STPG2: variants seen among roughly 807,000 people sequenced by gnomAD.
STPG2 encodes the protein sperm tail PG-rich repeat containing 2, also known as sperm-tail PG-rich repeat-containing protein 2.
STPG2 carries 56 observed loss-of-function variants against 54.2 expected under a neutral mutation model. That is an observed-to-expected ratio of 1.03 (90% CI 0.83 to 1.29). STPG2 has a LOEUF of 1.29. Among genes scored for constraint, STPG2 ranks in the 50% most tolerant of loss-of-function variants. The pLI is 0.00. For synonymous variants in STPG2, 200 were observed against 181.8 expected, an observed-to-expected ratio of 1.10 and a Z score of -0.81; for missense variants, 596 against 544.9, an observed-to-expected ratio of 1.09 and a Z score of -0.93.
intron 8 of STPG2, among the ~76,000 whole-genome samples, chr4:97,923,903 C>T (rs1015584438): frequency 3.9e-5 from 6 of 152,154 alleles, no homozygotes; most frequent in Non-Finnish European, 8.8e-5. Flanking sequence ...ACAGACCAAT[C>T]GGCTCTCTGT....
chr4:97,878,659 C>A lies in STPG2; in HGVS notation c.1045-37727G>T, dbSNP rs376632306. On this transcript the variant is annotated intron_variant, in intron 8 of 10. Coordinates refer to ENST00000295268, the MANE Select transcript of STPG2 (RefSeq NM_174952.3). ...AGGTCCCTGGGTCAGGCCCATGAAA[C>A]CATTATTTCCTCCTGGCCTCTGGGT... is the stretch of plus-strand genomic sequence containing the variant. Among the ~76,000 whole-genome samples the A allele has an allele frequency of 3.6e-4, 55 of 152,238 alleles. 2 individuals are homozygous for A. The East Asian group carries it at 0.01, about 28-fold the overall frequency.
intron 5 of STPG2, chr4:98,026,065 C>T (rs990715071): frequency 8.0e-6 from 9 of 1,130,116 alleles, no homozygotes; most frequent in Non-Finnish European, 1.2e-5. Context: ...ACATAAAGAA[C>T]AGAGTAACTC....
At chr4:97,649,097 A>T (rs1721993732) in intron 10 of STPG2, among the ~76,000 whole-genome samples, 1 of 152,162 alleles carries the variant, frequency 6.6e-6, no homozygotes, top group Non-Finnish European at 1.5e-5. Flanking sequence ...TTGAGGAAAG[A>T]ATAGGAGCAG....
intron 7 of STPG2, among the ~76,000 whole-genome samples, chr4:97,946,608 T>G (rs746669645): frequency 1.3e-5 from 2 of 152,194 alleles, no homozygotes; most frequent in Admixed American, 6.5e-5. Context: ...TTCTTCTAAA[T>G]GTAGCTATTC....
rs1385209156 is a variant in STPG2, at chr4:97,441,514, GA to G, written c.463-253682del. 29 of 152,064 alleles carry G rather than the reference GA, an allele frequency of 1.9e-4. 1 individual carries two copies. Among genetic ancestry groups the G allele is most frequent in the Admixed American group, 1.9e-3 (29 of 15,284 alleles). The allele number at this position is 152,064 out of a possible 1,614,324, so 9.4% of individuals were successfully genotyped here. On this transcript the variant is annotated intron_variant, in intron 4 of 4. Coordinates refer to the STPG2 transcript ENST00000522676. ...CTGTCAGCTTACGTTTATATTAATAGATATTACCTTTGGACTATATCTGTGG... is the reference window on the plus strand; with the variant it reads ...CTGTCAGCTTACGTTTATATTAATAGTATTACCTTTGGACTATATCTGTGG...
At chr4:97,824,485 A>C (rs894269416) in intron 9 of STPG2, among the ~76,000 whole-genome samples, 1 of 152,022 alleles carries the variant, frequency 6.6e-6, no homozygotes, top group Admixed American at 6.6e-5. Flanking sequence ...TTGTGCTATG[A>C]ATTTGTCTTT....
intron 9 of STPG2, among the ~76,000 whole-genome samples, chr4:97,738,888 C>G (rs1725118589): frequency 6.6e-6 from 1 of 152,082 alleles, no homozygotes; most frequent in South Asian, 2.1e-4. Context: ...GAACTCTCCA[C>G]CCCAAATCAA....
rs115841178 is a variant in STPG2, at chr4:97,506,467, G to A, written c.462+206232C>T. On this transcript the variant is annotated intron_variant, in intron 4 of 4. Transcript: ENST00000522676. ...CAGACAAATAAAAACTGAAAAAATT[G>A]ATGTCAATAAACTAAGTGAAAAATT... 4.7e-3 allele frequency among the ~76,000 whole-genome samples: 721 copies of A among 151,916 alleles called. 8 individuals are homozygous for A. Among genetic ancestry groups the A allele is most frequent in the African/African-American group, 0.016 (675 of 41,456 alleles).
chr4:98,116,732 G>T (rs1310133803), intron 3 of STPG2, among the ~76,000 whole-genome samples: 11 of 151,934 alleles, frequency 7.2e-5, no homozygotes, highest in African/African-American at 2.7e-4. Flanking sequence ...GTCATAGAGA[G>T]AGAGAATGAA....
intron 8 of STPG2, among the ~76,000 whole-genome samples, chr4:97,862,754 C>T (rs1729603795): frequency 6.6e-6 from 1 of 152,144 alleles, no homozygotes; most frequent in Non-Finnish European, 1.5e-5. Flanking sequence ...GTCTCTCCGA[C>T]CACAGTGCAA....
chr4:97,747,131 TA>T (rs1725441994), intron 9 of STPG2, among the ~76,000 whole-genome samples: 1 of 151,268 alleles, frequency 6.6e-6, no homozygotes, highest in Non-Finnish European at 1.5e-5. Flanking sequence ...AGAGAGTATT[TA>T]GCTTGTCTAA....
chr4:97,982,707 C>T (rs999034154), intron 5 of STPG2, among the ~76,000 whole-genome samples: 2 of 152,088 alleles, frequency 1.3e-5, no homozygotes, highest in African/African-American at 4.8e-5. Flanking sequence ...ATTTCTACAG[C>T]CTTCCTTTGT....
Position 97,981,187 on chromosome 4 carries a change from T to C in STPG2, c.744A>G (p.Thr248=), listed in dbSNP as rs1429738347. The change falls in exon 6 of 11, where the codon ACA becomes ACG. Residue 248 remains threonine (T), a synonymous_variant. Transcript: ENST00000295268. ...IPFGQSAVRF[T]QDIRTEEMPG... ...GCATTTCCTCTGTCCTGATGTCCTG[T>C]GTGAATCGAACAGCACTTTGACCAA... 3.7e-6 allele frequency: 6 copies of C among 1,613,900 alleles called. No individual in the cohort carries two copies. In the African/African-American group the frequency reaches 8.0e-5, roughly 22 times the overall value.
chr4:97,901,207 T>C (rs1731164546), intron 8 of STPG2, among the ~76,000 whole-genome samples: 1 of 151,998 alleles, frequency 6.6e-6, no homozygotes, highest in Admixed American at 6.6e-5. Flanking sequence ...ATAAAGGCCA[T>C]GTATGACAAG....
chr4:97,455,595 T>C (rs1729495838), intron 4 of STPG2, among the ~76,000 whole-genome samples: 1 of 152,132 alleles, frequency 6.6e-6, no homozygotes, highest in Non-Finnish European at 1.5e-5. Context: ...CCCTTCTGGC[T>C]CTCCCATCTG....
chr4:98,048,212 G>T (rs1251680927), intron 5 of STPG2, among the ~76,000 whole-genome samples: 2 of 152,120 alleles, frequency 1.3e-5, no homozygotes, highest in South Asian at 4.1e-4. Flanking sequence ...ATCTTCCCCA[G>T]ATTCTCTTGG....
chr4:97,455,271 C>A (rs1729486846), intron 4 of STPG2, among the ~76,000 whole-genome samples: 1 of 152,174 alleles, frequency 6.6e-6, no homozygotes, highest in South Asian at 2.1e-4. Context: ...GTTCCACTCC[C>A]AGCCCTGTGT....
intron 10 of STPG2, among the ~76,000 whole-genome samples, chr4:97,583,220 C>G (rs573843373): frequency 3.3e-5 from 5 of 151,876 alleles, no homozygotes; most frequent in African/African-American, 1.2e-4. Context: ...AGCCAGCTAC[C>G]AGCTCCACCC....
intron 4 of STPG2, among the ~76,000 whole-genome samples, chr4:97,518,652 G>A (rs984494033): frequency 9.9e-5 from 15 of 151,984 alleles, no homozygotes; most frequent in African/African-American, 3.1e-4. Flanking sequence ...CATTCAGGGC[G>A]ACAAAAATTG....
Sources: allele counts gnomAD v4.1 joint callset (sites outside exome capture counted in the v4.1 genomes callset), GRCh38; gene constraint gnomAD v4.1.1; transcripts MANE v1.5; gene names NCBI Gene and HGNC (gene_info 2026-07-23, HGNC 2026-07-21).